The following TMIE variants were observed in gnomAD, a reference collection of about 807,000 sequenced individuals.
TMIE encodes transmembrane inner ear expressed protein.
Under a neutral mutation model 16.8 loss-of-function variants are expected in TMIE, and 14 were observed. That is an observed-to-expected ratio of 0.83 (90% confidence interval 0.55 to 1.30). TMIE has a LOEUF of 1.30. TMIE is among the 50% of genes most tolerant of loss of function. TMIE has a pLI of 0.00. For synonymous variants in TMIE, 75 were observed against 87.2 expected (o/e 0.86, Z 0.78); for missense variants, 204 against 205.9 (o/e 0.99, Z 0.06).
chr3:46,699,156 T>C (rs1700442073), upstream of TMIE, among the ~76,000 whole-genome samples: 1 of 131,682 alleles, frequency 7.6e-6, no homozygotes, highest in Non-Finnish European at 1.6e-5. Context: ...TACCGCAACC[T>C]CCGCCTCCCG....
At position 46,709,861 on chromosome 3, in the gene TMIE, C is replaced by T. The variant is rs1700599373; in HGVS notation, c.*173C>T. Reference sequence around the variant, plus strand: ...ATCAGGGGCAGGAACCAGACAATCTCGTAGGTGTCCTGCCCCCCAGCCTAG... The same window carrying T: ...ATCAGGGGCAGGAACCAGACAATCTTGTAGGTGTCCTGCCCCCCAGCCTAG... On this transcript the variant is annotated 3_prime_UTR_variant, in exon 4 of 4. Transcript: ENST00000643606. The T allele has an allele frequency of 3.7e-6, 5 of 1,340,658 alleles. No homozygotes were observed. In the South Asian group the frequency reaches 4.1e-5, roughly 11 times the overall value. The allele number at this position is 1,340,658 out of a possible 1,614,324, so 83.0% of individuals were successfully genotyped here. A position where few individuals can be genotyped will look rare whatever the true frequency, so the allele number is the denominator to read the frequency against.
At chr3:46,698,408 G>A (rs945526214), upstream of TMIE, among the ~76,000 whole-genome samples, 2 of 151,786 alleles carry the variant, frequency 1.3e-5, no homozygotes, top group Non-Finnish European at 2.9e-5. Context: ...TAATTATAAT[G>A]ACTAGCGTTT....
upstream of TMIE, among the ~76,000 whole-genome samples, chr3:46,697,099 A>G (rs534324305): frequency 2.0e-5 from 3 of 149,414 alleles, no homozygotes; most frequent in South Asian, 2.1e-4. Flanking sequence ...GCCCTCAGAG[A>G]TGTAAAGTCC....
chr3:46,705,947 G>GTTCCCACTGCA, intron 2 of TMIE, 40 bp downstream of exon 2: 1 of 1,590,210 alleles, frequency 6.3e-7, no homozygotes, highest in Non-Finnish European at 8.6e-7. Context: ...ACACTGCAGT[G>GTTCCCACTGCA]GGAACACAGC....
chr3:46,707,604 G>A (rs1700568314), intron 2 of TMIE, among the ~76,000 whole-genome samples: 1 of 152,160 alleles, frequency 6.6e-6, no homozygotes. Context: ...CCAGCCCCAG[G>A]GACTTATATC....
chr3:46,708,699 C>A (rs1350566265), intron 2 of TMIE, among the ~76,000 whole-genome samples: 1 of 152,206 alleles, frequency 6.6e-6, no homozygotes, highest in Non-Finnish European at 1.5e-5. Flanking sequence ...ACTGAGGCAA[C>A]TTTGGCCTAG....
chr3:46,704,532 GTGTCCCCTAGACGCCCAGGGCAGGACCA>G (rs1559496041), intron 1 of TMIE, among the ~76,000 whole-genome samples: 5 of 112,848 alleles, frequency 4.4e-5, no homozygotes, highest in African/African-American at 1.4e-4. Context: ...GGGCAGGACC[GTGTCCCCTAGACGCCCAGGGCAGGACCA>G]TGTCCCCTAG....
At chr3:46,698,296 A>G (rs570711630), upstream of TMIE, among the ~76,000 whole-genome samples, 8 of 152,206 alleles carry the variant, frequency 5.3e-5, no homozygotes, top group South Asian at 1.7e-3. Context: ...CGCCCACCTG[A>G]GCCTCCCAAA....
At position 46,709,781 on chromosome 3, in the gene TMIE, C is replaced by G. The variant is rs1700598380; in HGVS notation, c.*93C>G. The G allele has an allele frequency of 1.3e-6, 2 of 1,590,558 alleles. No homozygotes were observed. The highest frequency in any genetic ancestry group is 2.7e-5 in the African/African-American group (2 of 74,866). ...GGACTCTGAGCTCATTTGGGGACCA[C>G]AGAGGCTGTGGTCAGAGAGGGAAGC... On this transcript the variant is annotated 3_prime_UTR_variant, in exon 4 of 4. Transcript: ENST00000643606.
intron 3 of TMIE, 147 bp from the exon 4 acceptor site, chr3:46,709,432 C>A: frequency 6.2e-7 from 1 of 1,602,616 alleles, no homozygotes; most frequent in Non-Finnish European, 8.5e-7. Flanking sequence ...TGGCATGAGG[C>A]AAATAGAACG....
At position 46,705,415 on chromosome 3, in the gene TMIE, C is replaced by G. The variant is rs535638281; in HGVS notation, c.94-375C>G. Among the ~76,000 whole-genome samples the G allele has an allele frequency of 5.3e-5, 8 of 152,198 alleles. No homozygotes were observed. In the East Asian group the frequency reaches 7.7e-4, roughly 15 times the overall value. On this transcript the variant is annotated intron_variant, in intron 1 of 3. Transcript: ENST00000643606. The stretch of plus-strand genomic sequence containing the variant: ...GCAAAGCCAGTTAGCCAGCACCCCC[C>G]AGGCCTCGCCTTGTCTCTGGCCTTG...
upstream of TMIE, among the ~76,000 whole-genome samples, chr3:46,698,414 C>T (rs540469212): frequency 1.5e-4 from 22 of 151,606 alleles, no homozygotes; most frequent in Non-Finnish European, 2.5e-4. Context: ...TAATGACTAG[C>T]GTTTAATGAA....
At chr3:46,699,166 G>A (rs369218591), upstream of TMIE, among the ~76,000 whole-genome samples, 5 of 135,126 alleles carry the variant, frequency 3.7e-5, no homozygotes, top group East Asian at 9.4e-4. Flanking sequence ...TCCGCCTCCC[G>A]AGTTCAAGCG....
chr3:46,709,431 G>A, intron 3 of TMIE, 148 bp from the exon 4 acceptor site: 2 of 1,603,516 alleles, frequency 1.2e-6, no homozygotes, highest in Admixed American at 1.7e-5. Context: ...TTGGCATGAG[G>A]CAAATAGAAC....
At chr3:46,699,873 A>ATGCCATCCTCAC (rs1175399822), upstream of TMIE, among the ~76,000 whole-genome samples, 9 of 152,196 alleles carry the variant, frequency 5.9e-5, no homozygotes, top group Non-Finnish European at 1.2e-4. Flanking sequence ...TCCTCACATC[A>ATGCCATCCTCAC]ATCATGGGAG....
intron 1 of TMIE, 43 bp from the exon 2 acceptor site, chr3:46,705,747 G>C (rs1265859841): frequency 1.9e-6 from 3 of 1,581,156 alleles, no homozygotes; most frequent in Non-Finnish European, 2.6e-6. Context: ...GTTCCAGCCA[G>C]CTGGCCTCTG....
rs1700611496 is a variant in TMIE, at chr3:46,710,760, A to G, written c.*1072A>G. 1 of 152,228 alleles carries G rather than the reference A, an allele frequency of 6.6e-6. No homozygotes were observed. The highest frequency in any genetic ancestry group is 6.5e-5 in the Admixed American group (1 of 15,286). The allele number at this position is 152,228 out of a possible 1,614,324, so 9.4% of individuals were successfully genotyped here. A position where few individuals can be genotyped will look rare whatever the true frequency, so the allele number is the denominator to read the frequency against. On this transcript the variant is annotated 3_prime_UTR_variant, in exon 4 of 4. Coordinates refer to ENST00000643606, the MANE Select transcript of TMIE (RefSeq NM_147196.3). The stretch of plus-strand genomic sequence containing the variant: ...GAGGCACTTCCAGATGGCATCGAAC[A>G]GACTAAGGCTCTGAAACCTAGGCCT...
intron 1 of TMIE, among the ~76,000 whole-genome samples, chr3:46,704,923 C>T (rs1473208759): frequency 6.6e-6 from 1 of 151,996 alleles, no homozygotes; most frequent in Non-Finnish European, 1.5e-5. Context: ...GGTTGTCTCC[C>T]CTCAGACCTG....
chr3:46,695,182 G>A (rs1467699310), intron 1 of TMIE, among the ~76,000 whole-genome samples: 2 of 152,226 alleles, frequency 1.3e-5, no homozygotes, highest in Admixed American at 6.5e-5. Context: ...GCACAGCCTG[G>A]CAGAGCCACC....
Sources: gnomAD v4.1 joint callset for allele counts (sites outside exome capture counted in the v4.1 genomes callset) on GRCh38, gnomAD v4.1.1 for gene constraint, MANE v1.5 for transcripts, NCBI Gene and HGNC (gene_info 2026-07-23, HGNC 2026-07-21) for gene names.